The following WDR41 variants were observed in gnomAD, a reference collection of about 807,000 sequenced individuals.
WDR41 encodes the protein WD repeat domain 41, also known as WD repeat-containing protein 41.
Under a neutral mutation model 69.3 loss-of-function variants are expected in WDR41, and 63 were observed. The ratio of observed to expected loss-of-function variants is 0.91; its 90% CI spans 0.74 to 1.12. The LOEUF (loss-of-function observed/expected upper bound fraction) is 1.12. Among genes scored for constraint, WDR41 ranks in the 50% most tolerant of loss-of-function variants. WDR41 has a pLI of 0.00. For missense variants in WDR41, 543 were observed against 534.5 expected (o/e 1.02, Z -0.16); for synonymous variants, 185 against 192.1 (o/e 0.96, Z 0.31).
chr5:77,541,429 T>A (rs924830964), intron 1 of WDR41, among the ~76,000 whole-genome samples: 12 of 151,342 alleles, frequency 7.9e-5, no homozygotes, highest in African/African-American at 2.7e-4. Context: ...TCATAATGGC[T>A]ATTATTAAAA....
At position 77,434,883 on chromosome 5, in the gene WDR41, C is replaced by T. The variant is rs192668639; in HGVS notation, c.1227+1378G>A. On this transcript the variant is annotated intron_variant, in intron 12 of 12. Coordinates refer to ENST00000296679, the MANE Select transcript of WDR41 (RefSeq NM_018268.4). ...CCACATTCAAACACATTTTGAATGT[C>T]TTTTACATGGGGTTTTCCCTACCAT... 6.0e-4 allele frequency among the ~76,000 whole-genome samples: 91 copies of T among 150,838 alleles called. 1 individual carries two copies. Among genetic ancestry groups the T allele is most frequent in the Middle Eastern group, 6.8e-3 (2 of 292 alleles).
Position 77,512,331 on chromosome 5 carries a change from T to TGAGTGAGAGA in WDR41, c.43-22760_43-22759insTCTCTCACTC, listed in dbSNP as rs1554034068. 1.2e-3 allele frequency among the ~76,000 whole-genome samples: 109 copies of TGAGTGAGAGA among 87,892 alleles called. 2 individuals are homozygous for TGAGTGAGAGA. The highest frequency in any genetic ancestry group is 5.4e-3 in the African/African-American group (103 of 19,252). 57.7% of individuals were successfully genotyped at this position (87,892 alleles called of 152,430 possible). On this transcript the variant is annotated intron_variant, in intron 1 of 5. Transcript: ENST00000509971. ...ATGGTCTGTAATTACATGGGGTGAG[T>TGAGTGAGAGA]GAGAGAGAGAGAGAGAGAGAGTGAG...
At chr5:77,443,032 G>A (rs1799237603) in intron 8 of WDR41, among the ~76,000 whole-genome samples, 1 of 150,936 alleles carries the variant, frequency 6.6e-6, no homozygotes, top group Admixed American at 6.6e-5. Flanking sequence ...CATATTTAGG[G>A]TAAGACAGAA....
chr5:77,560,618 G>A (rs757671146), intron 1 of WDR41, among the ~76,000 whole-genome samples: 2 of 151,862 alleles, frequency 1.3e-5, no homozygotes. Flanking sequence ...TTGTAAATTG[G>A]CAAAAAGAAA....
chr5:77,518,360 G>A (rs753130952), intron 1 of WDR41, among the ~76,000 whole-genome samples: 2 of 152,004 alleles, frequency 1.3e-5, no homozygotes, highest in African/African-American at 4.8e-5. Flanking sequence ...GTAGAAAATA[G>A]GATAATATTT....
intron 9 of WDR41, among the ~76,000 whole-genome samples, chr5:77,438,909 C>T (rs1799048568): frequency 6.6e-6 from 1 of 152,276 alleles, no homozygotes. Context: ...GAAATAAATA[C>T]CTTTTTACTA....
intron 2 of WDR41, among the ~76,000 whole-genome samples, chr5:77,473,621 A>G (rs1418287809): frequency 6.6e-6 from 1 of 152,220 alleles, no homozygotes; most frequent in Non-Finnish European, 1.5e-5. Flanking sequence ...AACCCTATCA[A>G]CAAGTGGGTA....
intron 1 of WDR41, among the ~76,000 whole-genome samples, chr5:77,544,060 T>C (rs751538806): frequency 1.5e-4 from 23 of 152,060 alleles, no homozygotes; most frequent in Non-Finnish European, 2.8e-4. Flanking sequence ...TTAAGCTTCA[T>C]AAGTGAAGAA....
intron 1 of WDR41, among the ~76,000 whole-genome samples, chr5:77,579,401 A>G (rs1223529049): frequency 6.6e-6 from 1 of 152,152 alleles, no homozygotes; most frequent in African/African-American, 2.4e-5. Context: ...TGAAAGTAGA[A>G]AAAGAAAAAT....
In WDR41 at chr5:77,603,448, G is replaced by C. The variant is rs142876986; in HGVS notation, c.42+17031C>G. Among the ~76,000 whole-genome samples, 499 of 152,274 alleles carry C rather than the reference G, an allele frequency of 3.3e-3. 4 individuals are homozygous for C. Among genetic ancestry groups the C allele is most frequent in the African/African-American group, 0.011 (474 of 41,560 alleles). ...TTTGGTTTTTACTATTGAGCTGTTT[G>C]AGTTTCTTGTATGTGTTGGACATTA... is the stretch of plus-strand genomic sequence containing the variant. On this transcript the variant is annotated intron_variant, in intron 1 of 5. Coordinates refer to the WDR41 transcript ENST00000509971.
At chr5:77,459,534 T>C (rs1006915507) in intron 4 of WDR41, among the ~76,000 whole-genome samples, 3 of 152,192 alleles carry the variant, frequency 2.0e-5, no homozygotes, top group Non-Finnish European at 4.4e-5. Flanking sequence ...ATAATATGGA[T>C]AGCATGATTT....
In WDR41 at chr5:77,477,663, A is replaced by G. The variant is rs1252906122; in HGVS notation, c.167+11794T>C. 1.0e-4 allele frequency among the ~76,000 whole-genome samples: 9 copies of G among 86,306 alleles called. 1 individual carries two copies. Among genetic ancestry groups the G allele is most frequent in the Middle Eastern group, 5.6e-3 (1 of 178 alleles). The allele number at this position is 86,306 out of a possible 152,430, so 56.6% of individuals were successfully genotyped here. A position where few individuals can be genotyped will look rare whatever the true frequency, so the allele number is the denominator to read the frequency against. The stretch of plus-strand genomic sequence containing the variant: ...CACAACATATCAGAATCTCTGGGAC[A>G]CATTCAAAGCAGTGTGTAGAGGGAA... On this transcript the variant is annotated intron_variant, in intron 2 of 12. Coordinates refer to ENST00000296679, the MANE Select transcript of WDR41 (RefSeq NM_018268.4).
At chr5:77,614,343 A>G (rs1744630301) in intron 1 of WDR41, among the ~76,000 whole-genome samples, 1 of 151,944 alleles carries the variant, frequency 6.6e-6, no homozygotes, top group Non-Finnish European at 1.5e-5. Context: ...AGACACATGC[A>G]CATGTATGTT....
chr5:77,575,323 G>A (rs968621114), intron 1 of WDR41, among the ~76,000 whole-genome samples: 2 of 152,148 alleles, frequency 1.3e-5, no homozygotes, highest in African/African-American at 2.4e-5. Flanking sequence ...TAATTTAGAG[G>A]CCTATACAGT....
At chr5:77,540,244 T>A (rs189075706) in intron 1 of WDR41, among the ~76,000 whole-genome samples, 198 of 152,276 alleles carry the variant, frequency 1.3e-3, no homozygotes, top group African/African-American at 4.6e-3. Context: ...TGCAAACATA[T>A]CACAGCATAT....
At chr5:77,472,472 G>A (rs989580682) in intron 2 of WDR41, among the ~76,000 whole-genome samples, 4 of 151,392 alleles carry the variant, frequency 2.6e-5, no homozygotes, top group South Asian at 4.2e-4. Flanking sequence ...TAGGAAAAGA[G>A]GAAGTCAAAT....
At chr5:77,595,619 G>C (rs1744214259) in intron 1 of WDR41, among the ~76,000 whole-genome samples, 1 of 152,164 alleles carries the variant, frequency 6.6e-6, no homozygotes, top group Non-Finnish European at 1.5e-5. Context: ...TGCAAGATAG[G>C]TAAGCCCAAA....
chr5:77,557,043 T>G (rs1449308566), intron 1 of WDR41, among the ~76,000 whole-genome samples: 1 of 152,100 alleles, frequency 6.6e-6, no homozygotes, highest in Non-Finnish European at 1.5e-5. Context: ...TTAGATTATT[T>G]ATTACAGATC....
chr5:77,523,990 G>T (rs1266880218), intron 1 of WDR41, among the ~76,000 whole-genome samples: 1 of 152,124 alleles, frequency 6.6e-6, no homozygotes, highest in African/African-American at 2.4e-5. Context: ...CCTTTAATAA[G>T]AAAACAATCT....
Sources: gnomAD v4.1 joint callset for allele counts (sites outside exome capture counted in the v4.1 genomes callset) on GRCh38, gnomAD v4.1.1 for gene constraint, MANE v1.5 for transcripts, NCBI Gene and HGNC (gene_info 2026-07-23, HGNC 2026-07-21) for gene names.